CDH3: variants seen among roughly 807,000 people sequenced by gnomAD.
CDH3 encodes cadherin-3.
A neutral mutation model predicts 82.0 loss-of-function variants in CDH3; 54 were observed. The observed-to-expected ratio is 0.66, with a 90% CI of 0.53 to 0.83. The LOEUF (loss-of-function observed/expected upper bound fraction) is 0.83. CDH3 is among the 40% of genes least tolerant of loss of function. The pLI is 0.00. For missense variants in CDH3, 1,054 were observed against 1,084.6 expected (o/e 0.97, Z 0.40); for synonymous variants, 446 against 437.9 (o/e 1.02, Z -0.23).
rs777599854 is a variant in CDH3, at chr16:68,685,316, C to A, written c.1536C>A (p.Asn512Lys). Residue 512 changes from asparagine to lysine, a missense_variant, in exon 11 of 16, where the codon AAC becomes AAA. Physicochemically the swap from Asn to Lys is moderately conservative, Grantham distance 94. Coordinates refer to ENST00000264012, the MANE Select transcript of CDH3 (RefSeq NM_001793.6). ...AGGATGAGCAGTTTGTGAGGAACAA[C>A]ATCTATGAAGTCATGGTCTTGGCCA... is the stretch of plus-strand genomic sequence containing the variant. ...DREDEQFVRN[N>K]IYEVMVLAMD... The A allele has an allele frequency of 6.2e-7, 1 of 1,614,122 alleles. No homozygotes were observed. Among genetic ancestry groups the A allele is most frequent in the Non-Finnish European group, 8.5e-7 (1 of 1,180,030 alleles).
chr16:68,661,451 C>T (rs1478771205), intron 2 of CDH3, among the ~76,000 whole-genome samples: 1 of 152,154 alleles, frequency 6.6e-6, no homozygotes, highest in Non-Finnish European at 1.5e-5. Context: ...GTAGTGAGTA[C>T]ATCAATGTTA....
downstream of CDH3, among the ~76,000 whole-genome samples, chr16:68,731,368 CAAAAAAAAA>C (rs869074059): frequency 0.026 from 58 of 2,224 alleles, 2 homozygotes; most frequent in Middle Eastern, 0.17. Flanking sequence ...AACTCCGTCT[CAAAAAAAAA>C]AAAAAAAAAA....
At chr16:68,727,517 T>G (rs1962231686), downstream of CDH3, among the ~76,000 whole-genome samples, 1 of 152,166 alleles carries the variant, frequency 6.6e-6, no homozygotes, top group East Asian at 1.9e-4. Context: ...TGGTCACGCC[T>G]GTAGACCTAG....
chr16:68,729,929 C>G (rs547776782), downstream of CDH3, among the ~76,000 whole-genome samples: 41 of 152,212 alleles, frequency 2.7e-4, no homozygotes, highest in African/African-American at 9.6e-4. Context: ...CCATCACGCC[C>G]AACCCAAACT....
chr16:68,660,783 C>T (rs1259453062), intron 2 of CDH3, among the ~76,000 whole-genome samples: 1 of 151,962 alleles, frequency 6.6e-6, no homozygotes, highest in East Asian at 1.9e-4. Flanking sequence ...ACAGTGAAAC[C>T]CCGTCTCTAC....
intron 1 of CDH3, among the ~76,000 whole-genome samples, chr16:68,715,680 C>T (rs939220058): frequency 1.3e-5 from 2 of 152,178 alleles, no homozygotes; most frequent in East Asian, 3.8e-4. Flanking sequence ...CCTGAGAAGC[C>T]GCCCCACTTC....
intron 1 of CDH3, 72 bp downstream of exon 1, chr16:68,645,496 G>A: frequency 1.3e-6 from 2 of 1,545,234 alleles, no homozygotes; most frequent in Non-Finnish European, 1.8e-6. Context: ...GCATGGGGCA[G>A]TGGCGTCGGG....
At chr16:68,671,938 TAAG>T (rs1960893616) in intron 2 of CDH3, among the ~76,000 whole-genome samples, 1 of 152,174 alleles carries the variant, frequency 6.6e-6, no homozygotes, top group African/African-American at 2.4e-5. Flanking sequence ...CAACTCGTGT[TAAG>T]GGAAAACTTG....
intron 2 of CDH3, among the ~76,000 whole-genome samples, chr16:68,654,716 ATAT>A: frequency 1.3e-5 from 1 of 77,750 alleles, no homozygotes; most frequent in African/African-American, 7.1e-5. Context: ...AAAAAAAAAT[ATAT>A]ATATATATAT....
intron 3 of CDH3, among the ~76,000 whole-genome samples, 164 bp downstream of exon 3, chr16:68,676,634 G>T (rs1597805376): frequency 6.6e-6 from 1 of 152,248 alleles, no homozygotes; most frequent in Non-Finnish European, 1.5e-5. Flanking sequence ...TGTGAGCACT[G>T]ATCTAAGGGG....
intron 2 of CDH3, among the ~76,000 whole-genome samples, chr16:68,664,939 T>G (rs1960694309): frequency 6.6e-6 from 1 of 152,056 alleles, no homozygotes; most frequent in Non-Finnish European, 1.5e-5. Flanking sequence ...CATGAGCCAC[T>G]GTGCCTAGCT....
In CDH3 at chr16:68,684,013, G is replaced by A. The variant is rs188976263; in HGVS notation, c.1183-570G>A. ...TCTCGGGAGGCGGAGGTTGCAGTGAGCTGAGTTCGCATCACTGCACTCCAG... is the reference window on the plus strand; with the variant it reads ...TCTCGGGAGGCGGAGGTTGCAGTGAACTGAGTTCGCATCACTGCACTCCAG... On this transcript the variant is annotated intron_variant, in intron 9 of 15. Coordinates refer to ENST00000264012, the MANE Select transcript of CDH3 (RefSeq NM_001793.6). Among the ~76,000 whole-genome samples, 3 of 147,690 alleles carry A rather than the reference G, an allele frequency of 2.0e-5. No homozygotes were observed. The Admixed American group carries it at 2.1e-4, about 10-fold the overall frequency.
At chr16:68,693,067 G>T (rs1416883517) in intron 13 of CDH3, among the ~76,000 whole-genome samples, 1 of 152,196 alleles carries the variant, frequency 6.6e-6, no homozygotes, top group Non-Finnish European at 1.5e-5. Flanking sequence ...TCACACCATT[G>T]CACTCCAGCC....
intron 1 of CDH3, among the ~76,000 whole-genome samples, chr16:68,713,934 A>G (rs1962063275): frequency 6.6e-6 from 1 of 150,488 alleles, no homozygotes; most frequent in Non-Finnish European, 1.5e-5. Context: ...TATTATTATT[A>G]TTATTATTAT....
intron 2 of CDH3, among the ~76,000 whole-genome samples, chr16:68,653,691 CTTT>C (rs1249416453): frequency 1.5e-5 from 2 of 136,952 alleles, no homozygotes. Context: ...TCTTTTCTTT[CTTT>C]TTTTTTTTTT....
intron 6 of CDH3, among the ~76,000 whole-genome samples, chr16:68,679,435 T>C (rs759185240): frequency 3.3e-5 from 5 of 152,142 alleles, no homozygotes; most frequent in Non-Finnish European, 7.4e-5. Flanking sequence ...GGCCCACGCC[T>C]GGAACCCTAG....
At chr16:68,649,395 C>T (rs1449618047) in intron 2 of CDH3, among the ~76,000 whole-genome samples, 2 of 152,124 alleles carry the variant, frequency 1.3e-5, no homozygotes, top group East Asian at 3.8e-4. Flanking sequence ...TTGTGGAAGC[C>T]CCTACTCTGG....
downstream of CDH3, among the ~76,000 whole-genome samples, chr16:68,731,035 AAAAAAAAAAAAAATATATATATAT>A (rs1962276986): frequency 6.5e-5 from 2 of 30,980 alleles, no homozygotes; most frequent in Admixed American, 4.5e-4. Flanking sequence ...AAAAAAAAAA[AAAAAAAAAAAAAATATATATATAT>A]ATATATATAT....
At chr16:68,655,115 A>G (rs1960379129) in intron 2 of CDH3, among the ~76,000 whole-genome samples, 2 of 152,122 alleles carry the variant, frequency 1.3e-5, no homozygotes, top group South Asian at 4.1e-4. Flanking sequence ...AGCCTCAAGC[A>G]ATCGTCTTGC....
Sources: gnomAD v4.1 joint callset for allele counts (sites outside exome capture counted in the v4.1 genomes callset) on GRCh38, gnomAD v4.1.1 for gene constraint, MANE v1.5 for transcripts, NCBI Gene and HGNC (gene_info 2026-07-23, HGNC 2026-07-21) for gene names.